The following COG3 variants were observed in gnomAD, a reference collection of about 807,000 sequenced individuals.
The protein encoded by COG3 is component of oligomeric golgi complex 3.
COG3 carries 32 observed loss-of-function variants against 114.1 expected under a neutral mutation model. The observed-to-expected ratio is 0.28, with a 90% CI of 0.21 to 0.38. The LOEUF is 0.38. COG3 is among the 10% of genes least tolerant of loss of function. The probability of loss-of-function intolerance (pLI) is 1.00; values close to 1 mark genes in which losing one functional copy is unlikely to be tolerated. For missense variants in COG3, 813 were observed against 973.2 expected (o/e 0.84, Z 2.19); for synonymous variants, 352 against 365.7 (o/e 0.96, Z 0.43).
At chr13:45,470,132 G>A (rs557089431) in intron 1 of COG3, among the ~76,000 whole-genome samples, 1 of 152,188 alleles carries the variant, frequency 6.6e-6, no homozygotes, top group Non-Finnish European at 1.5e-5. Context: ...CTCTGTTGAA[G>A]AGACATTTTA....
chr13:45,535,749 T>C lies in COG3; in HGVS notation c.*1018T>C. ...GCAAACCTAAGGATGACAAACACTA[T>C]CCACATCTGAAAACTACCACACCAT... On this transcript the variant is annotated 3_prime_UTR_variant, in exon 23 of 23. Coordinates refer to ENST00000349995, the MANE Select transcript of COG3 (RefSeq NM_031431.4). 1 of 987,392 alleles carries C rather than the reference T, an allele frequency of 1.0e-6. No individual in the cohort carries two copies. The allele number at this position is 987,392 out of a possible 1,614,324, so 61.2% of individuals were successfully genotyped here.
chr13:45,481,753 A>C (rs1328894635), intron 5 of COG3, among the ~76,000 whole-genome samples: 1 of 152,160 alleles, frequency 6.6e-6, no homozygotes, highest in Non-Finnish European at 1.5e-5. Flanking sequence ...AAGTGTGTAA[A>C]TTATATTTCT....
chr13:45,512,232 G>A (rs917707095), intron 16 of COG3, among the ~76,000 whole-genome samples: 1 of 152,168 alleles, frequency 6.6e-6, no homozygotes, highest in Non-Finnish European at 1.5e-5. Context: ...ATAGTTGAAT[G>A]TTCTTACATG....
intron 13 of COG3, among the ~76,000 whole-genome samples, chr13:45,497,519 C>T (rs1868940420): frequency 6.6e-6 from 1 of 152,064 alleles, no homozygotes. Flanking sequence ...AATGGTGGCT[C>T]ATGCCTGTAA....
chr13:45,529,789 A>G lies in COG3; in HGVS notation c.2231-2A>G. ...ACACTAATGAGGTTACTTTATTTCCAGCAAAGGTCAATGACCTTGCGGCAA... is the reference window on the plus strand; with the variant it reads ...ACACTAATGAGGTTACTTTATTTCCGGCAAAGGTCAATGACCTTGCGGCAA... On this transcript the variant is annotated splice_acceptor_variant, in intron 20 of 22. Transcript: ENST00000349995. LOFTEE classifies it high-confidence loss of function. 6.2e-7 allele frequency: 1 copy of G among 1,603,914 alleles called. No homozygotes were observed. Among genetic ancestry groups the G allele is most frequent in the Non-Finnish European group, 8.5e-7 (1 of 1,175,138 alleles).
chr13:45,525,091 GTTATTAGT>G lies in COG3; in HGVS notation c.2230+43_2230+50del, dbSNP rs762996968. Reference sequence around the variant, plus strand: ...CCATTTTGGATTTCTTTTTTAGGATGTTATTAGTTTGCATTTATATAGTCCTTACTGTG... The same window carrying G: ...CCATTTTGGATTTCTTTTTTAGGATGTTGCATTTATATAGTCCTTACTGTG... On this transcript the variant is annotated intron_variant, in intron 20 of 22. Coordinates refer to ENST00000349995, the MANE Select transcript of COG3 (RefSeq NM_031431.4). 2.6e-6 allele frequency: 4 copies of G among 1,567,208 alleles called. No homozygotes were observed. The South Asian group carries it at 4.5e-5, about 17-fold the overall frequency.
rs984707859 is a variant in COG3, at chr13:45,534,864, T to C, written c.*133T>C. 26 of 1,316,142 alleles carry C rather than the reference T, an allele frequency of 2.0e-5. 1 individual carries two copies. The highest frequency in any genetic ancestry group is 5.4e-4 in the Middle Eastern group (2 of 3,702). The allele number at this position is 1,316,142 out of a possible 1,614,324, so 81.5% of individuals were successfully genotyped here. On this transcript the variant is annotated 3_prime_UTR_variant, in exon 23 of 23. Coordinates refer to ENST00000349995, the MANE Select transcript of COG3 (RefSeq NM_031431.4). ...ACCACACGAGCGTGCTGCTCAGTGC[T>C]GACTGCAGAATGAAATAGAAGCAAA...
intron 14 of COG3, among the ~76,000 whole-genome samples, chr13:45,505,278 A>G (rs1352081760): frequency 2.0e-5 from 3 of 149,226 alleles, no homozygotes; most frequent in Admixed American, 6.9e-5. Context: ...TGGATTGAAT[A>G]AAATATACTA....
At chr13:45,473,673 G>C (rs535163334) in intron 1 of COG3, among the ~76,000 whole-genome samples, 1 of 152,320 alleles carries the variant, frequency 6.6e-6, no homozygotes, top group African/African-American at 2.4e-5. Flanking sequence ...CTTACAATAT[G>C]TCAGGTCTGT....
At position 45,519,017 on chromosome 13, in the gene COG3, C is replaced by G; in HGVS notation, c.2077C>G (p.Leu693Val). 6.2e-7 allele frequency: 1 copy of G among 1,614,164 alleles called. No homozygotes were observed. Among genetic ancestry groups the G allele is most frequent in the Non-Finnish European group, 8.5e-7 (1 of 1,180,020 alleles). ...LDSKKDVDRH[L>V]KSACEQFIQQ... Reference sequence around the variant, plus strand: ...CTCTAAAAAAGACGTAGACCGTCATCTGAAATCGGCCTGTGAGCAGTTTAT... The same window carrying G: ...CTCTAAAAAAGACGTAGACCGTCATGTGAAATCGGCCTGTGAGCAGTTTAT... Residue 693 changes from leucine to valine, a missense_variant, in exon 19 of 23, where the codon CTG (leucine) becomes GTG (valine). Leu to Val is a conservative substitution (Grantham distance 32). Coordinates refer to ENST00000349995, the MANE Select transcript of COG3 (RefSeq NM_031431.4).
chr13:45,532,258 T>G (rs1024480759), intron 22 of COG3: 1 of 152,212 alleles, frequency 6.6e-6, no homozygotes. Flanking sequence ...ATTTGTATCA[T>G]TCTAGGATAT....
At chr13:45,520,153 G>T (rs1012021779) in intron 19 of COG3, among the ~76,000 whole-genome samples, 1 of 152,078 alleles carries the variant, frequency 6.6e-6, no homozygotes, top group Admixed American at 6.5e-5. Flanking sequence ...GCCATGTGTA[G>T]TGGCGTGTGC....
At chr13:45,516,761 A>G (rs1435273006) in intron 17 of COG3, among the ~76,000 whole-genome samples, 1 of 152,136 alleles carries the variant, frequency 6.6e-6, no homozygotes, top group East Asian at 1.9e-4. Context: ...TCTCCATGCC[A>G]CCTTCCTTTT....
At position 45,535,404 on chromosome 13, in the gene COG3, G is replaced by C; in HGVS notation, c.*673G>C. 1 of 985,392 alleles carries C rather than the reference G, an allele frequency of 1.0e-6. No homozygotes were observed. The highest frequency in any genetic ancestry group is 1.2e-6 in the Non-Finnish European group (1 of 829,936). 61.0% of individuals were successfully genotyped at this position (985,392 alleles called of 1,614,324 possible). ...TAGGTGCAGACAGTTCTAAAGCAAG[G>C]AGCTGCAGCATTCTCATCATAGATA... On this transcript the variant is annotated 3_prime_UTR_variant, in exon 23 of 23. Coordinates refer to ENST00000349995, the MANE Select transcript of COG3 (RefSeq NM_031431.4).
chr13:45,494,008 A>G (rs2137834267), intron 12 of COG3: 1 of 152,422 alleles, frequency 6.6e-6, no homozygotes, highest in African/African-American at 2.4e-5. Context: ...TGATTTTCCT[A>G]ATAGTACCTA....
intron 19 of COG3, among the ~76,000 whole-genome samples, chr13:45,523,170 G>T (rs1872350537): frequency 6.6e-6 from 1 of 150,838 alleles, no homozygotes. Flanking sequence ...TTTTCTGATG[G>T]GACCAATTTA....
chr13:45,508,069 A>T (rs1034225546), intron 14 of COG3, among the ~76,000 whole-genome samples: 1 of 19,180 alleles, frequency 5.2e-5, no homozygotes, highest in Non-Finnish European at 1.1e-4. Context: ...GGTCCAACCT[A>T]AAAAAAAAAA....
chr13:45,513,385 T>G (rs12429492), intron 16 of COG3, among the ~76,000 whole-genome samples: 2 of 109,022 alleles, frequency 1.8e-5, no homozygotes, highest in African/African-American at 9.0e-5. Context: ...ATATAATATA[T>G]ACATATAAAT....
At chr13:45,513,642 G>A (rs1544072) in intron 16 of COG3, among the ~76,000 whole-genome samples, 107,765 of 148,970 alleles carry the variant, frequency 0.72, 40,483 homozygotes, top group Admixed American at 0.82. Flanking sequence ...CTTTATCTTT[G>A]TGACCACTAT....
Sources: gnomAD v4.1 joint callset for allele counts (sites outside exome capture counted in the v4.1 genomes callset) on GRCh38, gnomAD v4.1.1 for gene constraint, MANE v1.5 for transcripts, NCBI Gene and HGNC (gene_info 2026-07-23, HGNC 2026-07-21) for gene names.